DLGAP1: variants seen among roughly 807,000 people sequenced by gnomAD.
The protein encoded by DLGAP1 is DLG associated protein 1, also known as disks large-associated protein 1.
A neutral mutation model predicts 90.8 loss-of-function variants in DLGAP1; 11 were observed. The ratio of observed to expected loss-of-function variants is 0.12; its 90% CI spans 0.08 to 0.20. DLGAP1 has a LOEUF of 0.20. DLGAP1 is among the 10% of genes least tolerant of loss of function. The pLI is 1.00. For missense variants in DLGAP1, 1,050 were observed against 1,333.8 expected (o/e 0.79, Z 3.31); for synonymous variants, 558 against 540.7 (o/e 1.03, Z -0.44).
intron 5 of DLGAP1, among the ~76,000 whole-genome samples, chr18:3,760,092 GAATACATCATTGT>G (rs1555657091): frequency 6.6e-6 from 1 of 152,210 alleles, no homozygotes; most frequent in Non-Finnish European, 1.5e-5. Flanking sequence ...GGCATCATGG[GAATACATCATTGT>G]AATCCCCAAT....
intron 2 of DLGAP1, among the ~76,000 whole-genome samples, chr18:4,127,929 A>G (rs1360252715): frequency 1.3e-5 from 2 of 152,206 alleles, no homozygotes; most frequent in Non-Finnish European, 2.9e-5. Context: ...CATGTGTCAA[A>G]AGAAATCACT....
At chr18:4,365,429 A>C (rs1007205936) in intron 1 of DLGAP1, among the ~76,000 whole-genome samples, 1 of 152,150 alleles carries the variant, frequency 6.6e-6, no homozygotes, top group Non-Finnish European at 1.5e-5. Flanking sequence ...GACTGTAAAC[A>C]GGCTAAAGGA....
At chr18:4,074,774 C>A (rs75637435) in intron 2 of DLGAP1, among the ~76,000 whole-genome samples, 212 of 152,208 alleles carry the variant, frequency 1.4e-3, no homozygotes, top group African/African-American at 5.0e-3. Flanking sequence ...CAGATAAAGA[C>A]CGATTGTAAT....
At chr18:4,113,969 T>C (rs1055245889) in intron 2 of DLGAP1, among the ~76,000 whole-genome samples, 5 of 152,050 alleles carry the variant, frequency 3.3e-5, no homozygotes, top group Non-Finnish European at 7.4e-5. Flanking sequence ...CATTGGTCTA[T>C]GTGTCTGTTT....
At chr18:3,734,054 G>GT (rs544019328) in intron 6 of DLGAP1, among the ~76,000 whole-genome samples, 4 of 152,144 alleles carry the variant, frequency 2.6e-5, no homozygotes, top group Non-Finnish European at 5.9e-5. Context: ...TACATGGTGT[G>GT]TTCTTCCAAT....
At chr18:4,185,506 T>C (rs1031616542) in intron 1 of DLGAP1, among the ~76,000 whole-genome samples, 1 of 152,106 alleles carries the variant, frequency 6.6e-6, no homozygotes, top group African/African-American at 2.4e-5. Context: ...AGTGAGAACA[T>C]GAGGTATTTC....
At chr18:4,081,543 T>C (rs2075608501) in intron 2 of DLGAP1, among the ~76,000 whole-genome samples, 1 of 152,186 alleles carries the variant, frequency 6.6e-6, no homozygotes. Flanking sequence ...CTCACCCACC[T>C]TTCAATCCTC....
chr18:4,278,547 G>C (rs1218038246), intron 1 of DLGAP1, among the ~76,000 whole-genome samples: 1 of 152,156 alleles, frequency 6.6e-6, no homozygotes, highest in African/African-American at 2.4e-5. Context: ...CTGACTTTCT[G>C]TTTCTGAGTT....
At chr18:4,393,892 C>T (rs2082387696) in intron 1 of DLGAP1, among the ~76,000 whole-genome samples, 1 of 152,172 alleles carries the variant, frequency 6.6e-6, no homozygotes, top group Admixed American at 6.5e-5. Context: ...GTTTGCGCTC[C>T]TGTGAGAATC....
chr18:3,538,023 A>C (rs1038535339), intron 9 of DLGAP1, among the ~76,000 whole-genome samples: 1 of 152,246 alleles, frequency 6.6e-6, no homozygotes, highest in African/African-American at 2.4e-5. Context: ...TATGCTCTTG[A>C]AGCCAATAAA....
At chr18:4,401,176 A>G (rs11873755) in intron 1 of DLGAP1, among the ~76,000 whole-genome samples, 14,323 of 152,248 alleles carry the variant, frequency 0.094, 1,209 homozygotes, top group African/African-American at 0.23. Flanking sequence ...TATTTCAGTT[A>G]GAGGTGGAGC....
chr18:4,367,937 T>C (rs189467462), intron 1 of DLGAP1, among the ~76,000 whole-genome samples: 161 of 147,364 alleles, frequency 1.1e-3, no homozygotes, highest in African/African-American at 4.1e-3. Context: ...TTTTCAAAAT[T>C]TGATGAATCT....
At chr18:4,423,851 TAAAAAAAAA>T (rs36053501) in intron 1 of DLGAP1, among the ~76,000 whole-genome samples, 1 of 120,644 alleles carries the variant, frequency 8.3e-6, no homozygotes, top group Non-Finnish European at 1.6e-5. Flanking sequence ...CCCAGGAATT[TAAAAAAAAA>T]AAAAAAAAAA....
At chr18:3,751,405 TC>T (rs1255964303) in intron 5 of DLGAP1, among the ~76,000 whole-genome samples, 3 of 152,040 alleles carry the variant, frequency 2.0e-5, no homozygotes, top group Non-Finnish European at 4.4e-5. Flanking sequence ...CAAGCAATCC[TC>T]TCATTTCAGT....
intron 1 of DLGAP1, among the ~76,000 whole-genome samples, chr18:4,199,711 A>G (rs1205230516): frequency 1.3e-5 from 2 of 152,226 alleles, no homozygotes; most frequent in Admixed American, 1.3e-4. Flanking sequence ...TAGCTTTAGG[A>G]CCATGGAAGA....
intron 7 of DLGAP1, among the ~76,000 whole-genome samples, chr18:3,600,798 A>G (rs2056899111): frequency 8.9e-6 from 1 of 112,746 alleles, no homozygotes; most frequent in Admixed American, 9.3e-5. Flanking sequence ...ATATAGATAT[A>G]TAGATATATA....
At chr18:4,380,532 T>C (rs1376558899) in intron 1 of DLGAP1, among the ~76,000 whole-genome samples, 2 of 152,142 alleles carry the variant, frequency 1.3e-5, no homozygotes, top group African/African-American at 4.8e-5. Flanking sequence ...TATGTGAAGG[T>C]TGGTTACTTC....
At chr18:4,329,753 C>T (rs1422965902) in intron 1 of DLGAP1, among the ~76,000 whole-genome samples, 1 of 151,914 alleles carries the variant, frequency 6.6e-6, no homozygotes, top group African/African-American at 2.4e-5. Context: ...TTATAAATTC[C>T]ATTGTTAAAA....
chr18:4,384,738 T>C (rs2082196712), intron 1 of DLGAP1, among the ~76,000 whole-genome samples: 1 of 152,134 alleles, frequency 6.6e-6, no homozygotes, highest in Non-Finnish European at 1.5e-5. Flanking sequence ...CCCTGTAATT[T>C]CACAGGCAGT....
Sources: allele counts gnomAD v4.1 joint callset (sites outside exome capture counted in the v4.1 genomes callset), GRCh38; gene constraint gnomAD v4.1.1; transcripts MANE v1.5; gene names NCBI Gene and HGNC (gene_info 2026-07-23, HGNC 2026-07-21).